PTCH1: variants seen among roughly 807,000 people sequenced by gnomAD.
PTCH1 encodes protein patched homolog 1.
Under a neutral mutation model 144.6 loss-of-function variants are expected in PTCH1, and 14 were observed. The ratio of observed to expected loss-of-function variants is 0.10; its 90% CI spans 0.06 to 0.15. The LOEUF (loss-of-function observed/expected upper bound fraction) is 0.15. Among genes scored for constraint, PTCH1 ranks in the 10% least tolerant of loss-of-function variants. The probability of loss-of-function intolerance (pLI) is 1.00; values close to 1 mark genes in which losing one functional copy is unlikely to be tolerated. For missense variants in PTCH1, 1,623 were observed against 1,948.3 expected, an observed-to-expected ratio of 0.83 and a Z score of 3.14; for synonymous variants, 833 against 793.6, an observed-to-expected ratio of 1.05 and a Z score of -0.83.
chr9:95,464,275 G>A (rs1191920582), intron 15 of PTCH1, among the ~76,000 whole-genome samples: 2 of 152,326 alleles, frequency 1.3e-5, no homozygotes, highest in South Asian at 4.1e-4. Flanking sequence ...TACAAGGTAC[G>A]ACCCTGGATA....
intron 5 of PTCH1, among the ~76,000 whole-genome samples, chr9:95,480,904 T>TC (rs1324126827): frequency 4.5e-5 from 6 of 134,776 alleles, no homozygotes; most frequent in South Asian, 2.6e-4. Flanking sequence ...GATCCAAAAT[T>TC]AAATTTTTTT....
Position 95,449,192 on chromosome 9 carries a change from G to A in PTCH1, c.3681C>T (p.Ser1227=), listed in dbSNP as rs1337387100. 1 of 1,611,194 alleles carries A rather than the reference G, an allele frequency of 6.2e-7. No homozygotes were observed. Among genetic ancestry groups the A allele is most frequent in the Non-Finnish European group, 8.5e-7 (1 of 1,178,714 alleles). Residue 1227 remains serine (S), a synonymous_variant, in exon 22 of 24, where the codon TCC becomes TCT. Coordinates refer to ENST00000331920, the MANE Select transcript of PTCH1 (RefSeq NM_000264.5). This position sits in a 1 kb window ranked among gnomAD's most constrained non-coding sequence, Gnocchi z 5.3. The stretch of plus-strand genomic sequence containing the variant: ...CGCTGAGGCCTGACACTGTCGTCTG[G>A]GAACTATACTCCGAGTCGGAGGAAT... The part of the protein sequence containing the change: ...GSDSSDSEYS[S]QTTVSGLSEE...
At position 95,456,329 on chromosome 9, in the gene PTCH1, T is replaced by G. The variant is rs2136648504; in HGVS notation, c.3253A>C (p.Ile1085Leu). The part of the protein sequence containing the change: ...GIKLSAVPVV[I>L]LIASVGIGVE... ...CCTATGCCAACAGAAGCGATCAGGATGACCACGGGCACGGCACTGAGCTTG... is the reference window on the plus strand; with the variant it reads ...CCTATGCCAACAGAAGCGATCAGGAGGACCACGGGCACGGCACTGAGCTTG... Residue 1085 changes from isoleucine (I) to leucine (L), a missense_variant, in exon 19 of 24, where the codon ATC (isoleucine) becomes CTC (leucine). Ile to Leu is a conservative substitution (Grantham distance 5). Around this residue, in one of 7 missense-constraint regions of PTCH1, gnomAD observed 504 missense variants for 679.3 expected, o/e 0.74. Coordinates refer to ENST00000331920, the MANE Select transcript of PTCH1 (RefSeq NM_000264.5). 1 of 1,614,106 alleles carries G rather than the reference T, an allele frequency of 6.2e-7. No homozygotes were observed. The highest frequency in any genetic ancestry group is 8.5e-7 in the Non-Finnish European group (1 of 1,180,042).
chr9:95,507,214 C>T, intron 1 of PTCH1: 1 of 985,558 alleles, frequency 1.0e-6, no homozygotes, highest in Non-Finnish European at 1.2e-6. Flanking sequence ...AGTGGGGCAG[C>T]CAGCTGCAAC....
chr9:95,505,613 C>A (rs1843514754), intron 2 of PTCH1, among the ~76,000 whole-genome samples: 4 of 152,148 alleles, frequency 2.6e-5, no homozygotes, highest in Admixed American at 2.0e-4. Flanking sequence ...TCCCTTCAAC[C>A]CCGCGTTCTT....
At chr9:95,487,188 C>A (rs945201013) in intron 2 of PTCH1, among the ~76,000 whole-genome samples, 2 of 152,190 alleles carry the variant, frequency 1.3e-5, no homozygotes, top group Non-Finnish European at 2.9e-5. Context: ...AAATTCACCG[C>A]CTGGCAGGAC....
intron 2 of PTCH1, among the ~76,000 whole-genome samples, chr9:95,486,678 C>G (rs757804159): frequency 1.1e-4 from 16 of 152,244 alleles, no homozygotes; most frequent in Admixed American, 7.2e-4. Flanking sequence ...CCAAAGCCAG[C>G]GCAGGAGCAG....
upstream of PTCH1, among the ~76,000 whole-genome samples, chr9:95,512,358 G>A (rs1182170135): frequency 1.3e-5 from 2 of 151,996 alleles, no homozygotes; most frequent in Non-Finnish European, 2.9e-5. Context: ...CGGCTCTAAC[G>A]AGCGCTATCT....
Position 95,508,668 on chromosome 9 carries a change from G to C in PTCH1, c.-307C>G, listed in dbSNP as rs943764786. On this transcript the variant is annotated 5_prime_UTR_variant, in exon 1 of 24. Coordinates refer to ENST00000331920, the MANE Select transcript of PTCH1 (RefSeq NM_000264.5). ...CGCTGCCCACATCCAGTTCGCGGAA[G>C]AGCGAGAGCCGGCGCGCCGAGCGAG... 2 of 987,578 alleles carry C rather than the reference G, an allele frequency of 2.0e-6. No individual in the cohort carries two copies. The highest frequency in any genetic ancestry group is 1.7e-5 in the African/African-American group (1 of 57,170). The allele number at this position is 987,578 out of a possible 1,614,324, so 61.2% of individuals were successfully genotyped here. A position where few individuals can be genotyped will look rare whatever the true frequency, so the allele number is the denominator to read the frequency against.
Position 95,508,986 on chromosome 9 carries a change from C to T in PTCH1, c.-625G>A, listed in dbSNP as rs1371813108. Among the ~76,000 whole-genome samples the T allele has an allele frequency of 1.3e-5, 2 of 151,108 alleles. No individual in the cohort carries two copies. The highest frequency in any genetic ancestry group is 3.0e-5 in the Non-Finnish European group (2 of 67,586). On this transcript the variant is annotated 5_prime_UTR_variant, in exon 1 of 24. Coordinates refer to ENST00000331920, the MANE Select transcript of PTCH1 (RefSeq NM_000264.5). ...CGGTGGCTGCTGCTGGCGGTGGCGG[C>T]TCCAGGAGCTGCTGCTCGGGCTGCT...
At chr9:95,489,188 C>T (rs1015686191) in intron 2 of PTCH1, among the ~76,000 whole-genome samples, 12 of 152,178 alleles carry the variant, frequency 7.9e-5, no homozygotes, top group African/African-American at 2.9e-4. Flanking sequence ...CTAGCAAACG[C>T]CTATCCTAAA....
At chr9:95,512,805 C>T (rs1405531649), upstream of PTCH1, among the ~76,000 whole-genome samples, 1 of 152,180 alleles carries the variant, frequency 6.6e-6, no homozygotes, top group Non-Finnish European at 1.5e-5. Flanking sequence ...GCCTCTGGCA[C>T]CCCTTGTGAC....
intron 18 of PTCH1, among the ~76,000 whole-genome samples, chr9:95,456,774 C>A (rs1486643461): frequency 6.6e-6 from 1 of 152,162 alleles, no homozygotes; most frequent in Non-Finnish European, 1.5e-5. Flanking sequence ...CAGTTTACAA[C>A]AAGACCCATC....
chr9:95,481,194 T>C (rs1429124348), intron 5 of PTCH1, among the ~76,000 whole-genome samples: 2 of 152,336 alleles, frequency 1.3e-5, no homozygotes, highest in African/African-American at 2.4e-5. Flanking sequence ...AACCACACTG[T>C]AGCTGCTTAA....
In PTCH1 at chr9:95,444,515, A is replaced by G. The variant is rs890586847; in HGVS notation, c.*1878T>C. On this transcript the variant is annotated 3_prime_UTR_variant, in exon 24 of 24. Coordinates refer to ENST00000331920, the MANE Select transcript of PTCH1 (RefSeq NM_000264.5). ...CACACACACACGCACGCACGCACAC[A>G]CACACACACACACCCAGCAGCCACA... 3.9e-5 allele frequency: 6 copies of G among 152,794 alleles called. No homozygotes were observed. The highest frequency in any genetic ancestry group is 7.3e-5 in the Non-Finnish European group (5 of 68,814). The allele number at this position is 152,794 out of a possible 1,614,324, so 9.5% of individuals were successfully genotyped here.
At chr9:95,470,056 C>T (rs890602160) in intron 12 of PTCH1, 125 bp from the exon 13 acceptor site, 44 of 767,306 alleles carry the variant, frequency 5.7e-5, no homozygotes, top group Middle Eastern at 2.3e-4. Context: ...CATTTGAAAC[C>T]GTGACAGATG....
chr9:95,447,149 G>A lies in PTCH1; in HGVS notation c.4107C>T (p.Thr1369=), dbSNP rs1477977008. ...SSVPGYCQPI[T]TVTASASVTV... ...TCACGGAGGCAGAAGCCGTCACAGTGGTGATGGGCTGGCAGTAGCCGGGCA... is the reference window on the plus strand; with the variant it reads ...TCACGGAGGCAGAAGCCGTCACAGTAGTGATGGGCTGGCAGTAGCCGGGCA... The change falls in exon 23 of 24, where the codon ACC becomes ACT. Residue 1369 remains threonine (T), a synonymous_variant. Coordinates refer to ENST00000331920, the MANE Select transcript of PTCH1 (RefSeq NM_000264.5). The A allele has an allele frequency of 6.2e-7, 1 of 1,613,186 alleles. No homozygotes were observed. Among genetic ancestry groups the A allele is most frequent in the East Asian group, 2.2e-5 (1 of 44,884 alleles).
intron 2 of PTCH1, 120 bp downstream of exon 2, chr9:95,506,287 G>A (rs1843625355): frequency 8.5e-7 from 1 of 1,179,408 alleles, no homozygotes; most frequent in East Asian, 2.6e-5. Context: ...CAATCCCCCG[G>A]GTGCGGGCAG....
chr9:95,475,556 C>T (rs1226023454), intron 12 of PTCH1, among the ~76,000 whole-genome samples: 2 of 152,152 alleles, frequency 1.3e-5, no homozygotes, highest in Non-Finnish European at 2.9e-5. Flanking sequence ...GTCTGACATG[C>T]GACCTCAGCT....
Sources: allele counts gnomAD v4.1 joint callset (sites outside exome capture counted in the v4.1 genomes callset), GRCh38; gene constraint gnomAD v4.1.1; regional missense constraint gnomAD v4.1.1; non-coding constraint Gnocchi (gnomAD v3.1); transcripts MANE v1.5; gene names NCBI Gene and HGNC (gene_info 2026-07-23, HGNC 2026-07-21).